Variants in PKHD1L1 observed in about 807,000 individuals in gnomAD.
The protein encoded by PKHD1L1 is fibrocystin-L.
Under a neutral mutation model 462.9 loss-of-function variants are expected in PKHD1L1, and 434 were observed. The ratio of observed to expected loss-of-function variants is 0.94; its 90% CI spans 0.87 to 1.02. The LOEUF is 1.02. Ranked by LOEUF, PKHD1L1 falls within the 50% of genes least tolerant of loss-of-function variation. PKHD1L1 has a pLI of 0.00. For synonymous variants in PKHD1L1, 1,781 were observed against 1,750.0 expected, an observed-to-expected ratio of 1.02 and a Z score of -0.44; for missense variants, 5,202 against 5,096.1, an observed-to-expected ratio of 1.02 and a Z score of -0.63.
intron 22 of PKHD1L1, 49 bp downstream of exon 22, chr8:109,419,309 T>A: frequency 7.1e-7 from 1 of 1,414,132 alleles, no homozygotes; most frequent in South Asian, 1.5e-5. Context: ...TAGTAAAATC[T>A]TACCATGGAA....
rs557489907 is a variant in PKHD1L1 at position 109,412,664 on chromosome 8, A to G, written c.2235+250A>G. ...ATTATATTTCTCTTTTAATTTCAGAAAAAAATATTTGCACACAAGTTTAAA... is the reference window on the plus strand; with the variant it reads ...ATTATATTTCTCTTTTAATTTCAGAGAAAAATATTTGCACACAAGTTTAAA... On this transcript the variant is annotated intron_variant, in intron 20 of 77. Coordinates refer to ENST00000378402, the MANE Select transcript of PKHD1L1 (RefSeq NM_177531.6). 3.9e-5 allele frequency among the ~76,000 whole-genome samples: 6 copies of G among 152,120 alleles called. No individual in the cohort carries two copies. In the South Asian group the frequency reaches 1.2e-3, roughly 32 times the overall value.
intron 77 of PKHD1L1, among the ~76,000 whole-genome samples, chr8:109,529,715 A>T (rs909501600): frequency 6.6e-6 from 1 of 152,120 alleles, no homozygotes; most frequent in Non-Finnish European, 1.5e-5. Context: ...TTTCAATTAG[A>T]ATATAAGAAA....
rs146831382 is a variant in PKHD1L1, at chr8:109,518,446, G to C, written c.11969G>C (p.Gly3990Ala). 1.2e-6 allele frequency: 2 copies of C among 1,610,450 alleles called. No individual in the cohort carries two copies. The highest frequency in any genetic ancestry group is 1.7e-5 in the Admixed American group (1 of 59,880). Reference protein sequence around the residue: ...GKSLRRKRSMGFIIEIEIGDP... With the variant: ...GKSLRRKRSMAFIIEIEIGDP... ...AGTCTGAGGAGGAAGAGATCCATGG[G>C]ATTCATAATTGAAATAGAGATTGGA... The change falls in exon 73 of 78, where the codon GGA becomes GCA. Residue 3990 changes from glycine to alanine, a missense_variant. Around this residue, in one of 3 missense-constraint regions of PKHD1L1, gnomAD observed 698 missense variants for 736.3 expected, o/e 0.95. Transcript: ENST00000378402.
At position 109,438,883 on chromosome 8, in the gene PKHD1L1, T is replaced by C; in HGVS notation, c.3761-14T>C. The C allele has an allele frequency of 6.5e-7, 1 of 1,545,552 alleles. No individual in the cohort carries two copies. The highest frequency in any genetic ancestry group is 8.7e-7 in the Non-Finnish European group (1 of 1,144,124). On this transcript the variant is annotated splice_polypyrimidine_tract_variant and intron_variant, in intron 31 of 77. Transcript: ENST00000378402. Reference sequence around the variant, plus strand: ...TGAACTTTTTGCATTATTTTTTAAATTTTAAAATACCAGGAGAAGTTAATT... The same window carrying C: ...TGAACTTTTTGCATTATTTTTTAAACTTTAAAATACCAGGAGAAGTTAATT...
At chr8:109,415,886 T>C (rs1467410763) in intron 21 of PKHD1L1, among the ~76,000 whole-genome samples, 2 of 150,108 alleles carry the variant, frequency 1.3e-5, no homozygotes, top group Admixed American at 1.3e-4. Context: ...TGTGTGTGTG[T>C]GTGTGTGTGT....
intron 40 of PKHD1L1, 87 bp downstream of exon 40, chr8:109,449,574 T>G (rs1816368289): frequency 1.1e-5 from 13 of 1,213,632 alleles, no homozygotes; most frequent in East Asian, 2.7e-5. Flanking sequence ...AGTTCTTGGA[T>G]TCCTTGGAGT....
chr8:109,474,261 G>A (rs1817869833), intron 50 of PKHD1L1, among the ~76,000 whole-genome samples: 1 of 152,072 alleles, frequency 6.6e-6, no homozygotes, highest in African/African-American at 2.4e-5. Flanking sequence ...TTTAAAATAA[G>A]AGGTTGTTAC....
At chr8:109,379,150 A>G (rs939354869) in intron 2 of PKHD1L1, among the ~76,000 whole-genome samples, 1 of 152,138 alleles carries the variant, frequency 6.6e-6, no homozygotes, top group African/African-American at 2.4e-5. Context: ...ACCAACACTG[A>G]GCTCTCAATA....
chr8:109,380,381 C>T (rs948146641), intron 2 of PKHD1L1, among the ~76,000 whole-genome samples: 6 of 152,164 alleles, frequency 3.9e-5, no homozygotes, highest in Admixed American at 6.6e-5. Flanking sequence ...TCCTCTCTTT[C>T]TTACCTCTAA....
intron 1 of PKHD1L1, among the ~76,000 whole-genome samples, chr8:109,364,160 T>C (rs1031779637): frequency 2.6e-5 from 4 of 152,248 alleles, no homozygotes; most frequent in Non-Finnish European, 4.4e-5. Context: ...TGTGCTCTTA[T>C]AATGACCTAT....
chr8:109,401,247 C>G (rs572088212), intron 13 of PKHD1L1, among the ~76,000 whole-genome samples: 14 of 152,130 alleles, frequency 9.2e-5, no homozygotes, highest in African/African-American at 3.4e-4. Context: ...AAGCTATGAT[C>G]TGCGTAGTAT....
At chr8:109,459,978 T>G in intron 47 of PKHD1L1, 142 bp downstream of exon 47, 4 of 615,582 alleles carry the variant, frequency 6.5e-6, no homozygotes, top group Middle Eastern at 5.6e-4. Context: ...TCTTATAAGA[T>G]ACCATTAAAT....
intron 62 of PKHD1L1, among the ~76,000 whole-genome samples, chr8:109,492,662 T>C (rs1818891862): frequency 6.6e-6 from 1 of 151,910 alleles, no homozygotes; most frequent in South Asian, 2.1e-4. Flanking sequence ...TTTTTATCTG[T>C]TTATACGTAT....
chr8:109,377,857 A>G (rs1434006070), intron 2 of PKHD1L1, among the ~76,000 whole-genome samples: 1 of 152,212 alleles, frequency 6.6e-6, no homozygotes, highest in Non-Finnish European at 1.5e-5. Flanking sequence ...TATTGTTTCA[A>G]AAATATAAAA....
chr8:109,520,950 A>G (rs1336670070), intron 73 of PKHD1L1, among the ~76,000 whole-genome samples: 1 of 152,140 alleles, frequency 6.6e-6, no homozygotes, highest in Admixed American at 6.5e-5. Context: ...ACAAAGTAGT[A>G]ATAGTAGTGC....
chr8:109,382,407 A>G lies in PKHD1L1; in HGVS notation c.309-56A>G, dbSNP rs908210130. 8.3e-6 allele frequency: 12 copies of G among 1,440,998 alleles called. No individual in the cohort carries two copies. The African/African-American group carries it at 1.6e-4, about 19-fold the overall frequency. 89.3% of individuals were successfully genotyped at this position (1,440,998 alleles called of 1,614,324 possible). On this transcript the variant is annotated intron_variant, in intron 3 of 77. Transcript: ENST00000378402. ...TGGGGCAGTATTTTTCATTAATACT[A>G]TACACTAAATAAGAGAGGAATTGCA...
Position 109,404,680 on chromosome 8 carries a change from C to T in PKHD1L1, c.1500C>T (p.Ile500=). 1 of 1,607,242 alleles carries T rather than the reference C, an allele frequency of 6.2e-7. No individual in the cohort carries two copies. Among genetic ancestry groups the T allele is most frequent in the Non-Finnish European group, 8.5e-7 (1 of 1,176,616 alleles). ...TGDAVNEEQV[I]KSQSTILQEV... ...ATGCAGTGAATGAAGAACAAGTTAT[C>T]AAATCCCAGTCGACAATCCTCCAGG... Residue 500 remains isoleucine (I), a synonymous_variant, in exon 15 of 78, where the codon ATC becomes ATT. Coordinates refer to ENST00000378402, the MANE Select transcript of PKHD1L1 (RefSeq NM_177531.6).
At position 109,443,693 on chromosome 8, in the gene PKHD1L1, C is replaced by T. The variant is rs148637505; in HGVS notation, c.4582C>T (p.His1528Tyr). 11 of 1,611,904 alleles carry T rather than the reference C, an allele frequency of 6.8e-6. No homozygotes were observed. Among genetic ancestry groups the T allele is most frequent in the South Asian group, 1.1e-5 (1 of 90,690 alleles). ...GTCTAAAGGAGGACCTGAGAATTTG[C>T]ACTTGGGAAGCTCTGTGGCAGGCTG... ...TYAYGGPENL[H>Y]LGSSVAGCLA... The change falls in exon 37 of 78, where the codon CAC becomes TAC. Residue 1528 changes from histidine to tyrosine, a missense_variant. Around this residue, in one of 3 missense-constraint regions of PKHD1L1, gnomAD observed 4,497 missense variants for 4,336.8 expected, o/e 1.04. Transcript: ENST00000378402.
intron 51 of PKHD1L1, 83 bp from the exon 52 acceptor site, chr8:109,476,425 G>A (rs1238703840): frequency 5.5e-6 from 5 of 904,290 alleles, no homozygotes; most frequent in Non-Finnish European, 7.9e-6. Context: ...CATAATATAG[G>A]GGCTAATTAT....
Sources: gnomAD v4.1 joint callset for allele counts (sites outside exome capture counted in the v4.1 genomes callset) on GRCh38, gnomAD v4.1.1 for gene constraint, gnomAD v4.1.1 regional missense constraint, MANE v1.5 for transcripts, NCBI Gene and HGNC (gene_info 2026-07-23, HGNC 2026-07-21) for gene names.